Variants in SLC25A21 observed in about 807,000 individuals in gnomAD.
SLC25A21 encodes mitochondrial 2-oxodicarboxylate carrier.
In SLC25A21, 47 loss-of-function variants were observed where a neutral mutation model predicts 43.8. The ratio of observed to expected loss-of-function variants is 1.07; its 90% confidence interval spans 0.85 to 1.37. The LOEUF is 1.37. SLC25A21 is among the 40% of genes most tolerant of loss of function. The pLI is 0.00. For synonymous variants in SLC25A21, 131 were observed against 121.3 expected, an observed-to-expected ratio of 1.08 and a Z score of -0.52; for missense variants, 352 against 350.2, an observed-to-expected ratio of 1.00 and a Z score of -0.04.
At chr14:36,802,159 T>C (rs1436416600) in intron 3 of SLC25A21, among the ~76,000 whole-genome samples, 1 of 152,214 alleles carries the variant, frequency 6.6e-6, no homozygotes, top group Non-Finnish European at 1.5e-5. Flanking sequence ...ATGGGTGTCG[T>C]AAATTTTCTT....
chr14:36,984,534 T>C (rs938887922), intron 1 of SLC25A21, among the ~76,000 whole-genome samples: 9 of 146,888 alleles, frequency 6.1e-5, no homozygotes, highest in African/African-American at 2.2e-4. Context: ...AATGCCATCA[T>C]TTGCTTGTTT....
At chr14:36,791,627 G>A (rs1364111599) in intron 3 of SLC25A21, among the ~76,000 whole-genome samples, 1 of 152,168 alleles carries the variant, frequency 6.6e-6, no homozygotes, top group Non-Finnish European at 1.5e-5. Flanking sequence ...TATATCACAT[G>A]TACTGTGCTC....
chr14:36,712,156 G>C lies in SLC25A21; in HGVS notation c.439-674C>G, dbSNP rs115845388. Among the ~76,000 whole-genome samples the C allele has an allele frequency of 4.9e-3, 740 of 152,120 alleles. 4 individuals are homozygous for C. Among genetic ancestry groups the C allele is most frequent in the African/African-American group, 0.017 (713 of 41,454 alleles). ...TGATTACCCAAGGCTGAAATGTCCT[G>C]ACTGCTAGAATCCAGTCTGGCTGAA... On this transcript the variant is annotated intron_variant, in intron 6 of 9. Transcript: ENST00000331299.
chr14:36,794,729 A>G (rs1432252685), intron 3 of SLC25A21, among the ~76,000 whole-genome samples: 1 of 151,642 alleles, frequency 6.6e-6, no homozygotes, highest in African/African-American at 2.4e-5. Flanking sequence ...AGATCACACC[A>G]CTGCACTCCA....
intron 1 of SLC25A21, among the ~76,000 whole-genome samples, chr14:36,961,988 A>T (rs1566774004): frequency 6.6e-6 from 1 of 152,188 alleles, no homozygotes; most frequent in Non-Finnish European, 1.5e-5. Flanking sequence ...ACTTCCTGGA[A>T]GTATTTCAGC....
chr14:36,931,299 T>C (rs1228695427), intron 1 of SLC25A21, among the ~76,000 whole-genome samples: 1 of 152,104 alleles, frequency 6.6e-6, no homozygotes, highest in African/African-American at 2.4e-5. Context: ...TAAAAGTGAA[T>C]GGGAGGCTTC....
intron 1 of SLC25A21, among the ~76,000 whole-genome samples, chr14:36,953,194 G>GT (rs1677690637): frequency 6.6e-6 from 1 of 152,122 alleles, no homozygotes; most frequent in African/African-American, 2.4e-5. Flanking sequence ...ACTTTAAAAT[G>GT]TTTCTTAATC....
At chr14:36,916,918 G>A (rs1261035852) in intron 1 of SLC25A21, among the ~76,000 whole-genome samples, 1 of 151,738 alleles carries the variant, frequency 6.6e-6, no homozygotes, top group African/African-American at 2.4e-5. Context: ...CATTCCATAT[G>A]CAATCATTCA....
In SLC25A21 at chr14:36,711,466, C is replaced by G. The variant is rs1300845432; in HGVS notation, c.455G>C (p.Gly152Ala). The change falls in exon 7 of 10, where the codon GGT (glycine) becomes GCT (alanine). Residue 152 changes from glycine (G) to alanine (A), a missense_variant. Physicochemically the swap from Gly to Ala is moderately conservative, Grantham distance 60 (BLOSUM62 0). Transcript: ENST00000331299. ...CTTCTTAATGATTTGTCTTGCATAA[C>G]CCACAGTGGATGGTTGCTGCAGAAG... ...NTFAEQPSTVGYARQIIKKEG... is the reference protein window; with the variant it reads ...NTFAEQPSTVAYARQIIKKEG... 2 of 1,613,676 alleles carry G rather than the reference C, an allele frequency of 1.2e-6. No homozygotes were observed. Among genetic ancestry groups the G allele is most frequent in the Admixed American group, 3.3e-5 (2 of 59,966 alleles).
chr14:36,720,189 T>C (rs902915296), intron 6 of SLC25A21, among the ~76,000 whole-genome samples: 2 of 152,200 alleles, frequency 1.3e-5, no homozygotes, highest in Admixed American at 1.3e-4. Flanking sequence ...TCTCTCCCCT[T>C]ACCCAGAAGA....
intron 2 of SLC25A21, among the ~76,000 whole-genome samples, chr14:36,837,850 G>T (rs1046725728): frequency 2.0e-5 from 3 of 152,100 alleles, no homozygotes; most frequent in Non-Finnish European, 2.9e-5. Context: ...ACTTTTACTG[G>T]TGAATGAGCT....
intron 1 of SLC25A21, among the ~76,000 whole-genome samples, chr14:37,015,257 G>C (rs908874794): frequency 7.5e-5 from 10 of 132,480 alleles, no homozygotes; most frequent in African/African-American, 2.9e-4. Context: ...TGTTCTCATT[G>C]TTCAATTCCC....
At chr14:36,930,926 C>G (rs1030332021) in intron 1 of SLC25A21, among the ~76,000 whole-genome samples, 12 of 152,258 alleles carry the variant, frequency 7.9e-5, no homozygotes, top group Non-Finnish European at 1.6e-4. Context: ...GCTTACAACA[C>G]CCATCCCCCT....
At chr14:37,012,619 C>T (rs1396596021) in intron 1 of SLC25A21, among the ~76,000 whole-genome samples, 1 of 152,110 alleles carries the variant, frequency 6.6e-6, no homozygotes, top group African/African-American at 2.4e-5. Context: ...CAAATTCTGA[C>T]TCATTATTTC....
intron 4 of SLC25A21, among the ~76,000 whole-genome samples, chr14:36,730,309 T>C (rs1046619433): frequency 9.2e-5 from 14 of 152,204 alleles, no homozygotes; most frequent in African/African-American, 3.4e-4. Context: ...ATTTCCCCCC[T>C]TTTTTCTTCC....
At chr14:36,855,076 G>A (rs1440481877) in intron 2 of SLC25A21, among the ~76,000 whole-genome samples, 2 of 152,048 alleles carry the variant, frequency 1.3e-5, no homozygotes, top group African/African-American at 4.8e-5. Flanking sequence ...ATCACAATCT[G>A]ATAATTCTGA....
At chr14:36,828,223 T>G (rs1888908139) in intron 2 of SLC25A21, among the ~76,000 whole-genome samples, 1 of 151,962 alleles carries the variant, frequency 6.6e-6, no homozygotes. Flanking sequence ...TTTTTTGTCA[T>G]ATAAAGTTGA....
intron 1 of SLC25A21, among the ~76,000 whole-genome samples, chr14:37,160,747 T>C (rs559778432): frequency 6.6e-6 from 1 of 151,854 alleles, no homozygotes; most frequent in Non-Finnish European, 1.5e-5. Flanking sequence ...CTGGCCAACA[T>C]GGTGAAACCC....
At chr14:36,892,794 C>A (rs528961837) in intron 1 of SLC25A21, among the ~76,000 whole-genome samples, 8 of 151,944 alleles carry the variant, frequency 5.3e-5, no homozygotes, top group Non-Finnish European at 7.4e-5. Flanking sequence ...TGAGAACATG[C>A]GGTGTTTGGT....
Sources: gnomAD v4.1 joint callset for allele counts (sites outside exome capture counted in the v4.1 genomes callset) on GRCh38, gnomAD v4.1.1 for gene constraint, MANE v1.5 for transcripts, NCBI Gene and HGNC (gene_info 2026-07-23, HGNC 2026-07-21) for gene names.